The following MPPED1 variants were observed in gnomAD, a reference collection of about 807,000 sequenced individuals.
MPPED1 encodes the protein metallophosphoesterase domain containing 1.
Under a neutral mutation model 36.2 loss-of-function variants are expected in MPPED1, and 16 were observed. The ratio of observed to expected loss-of-function variants is 0.44; its 90% CI spans 0.30 to 0.67. The LOEUF is 0.67. Among genes scored for constraint, MPPED1 ranks in the 30% least tolerant of loss-of-function variants. The pLI is 0.10. For synonymous variants in MPPED1, 199 were observed against 191.3 expected, an observed-to-expected ratio of 1.04 and a Z score of -0.33; for missense variants, 307 against 453.4, an observed-to-expected ratio of 0.68 and a Z score of 2.93.
Position 43,495,696 on chromosome 22 carries a change from AGGTGGTGATGGAGGT to A in MPPED1, c.633-2531_633-2517del, listed in dbSNP as rs1569088995. On this transcript the variant is annotated intron_variant, in intron 4 of 6. Coordinates refer to ENST00000443721, the MANE Select transcript of MPPED1 (RefSeq NM_001044370.2). ...GTGGTGGTGGAGATGGTGGTGGTGG[AGGTGGTGATGGAGGT>A]GGTGGTGGTGGAGGTGGTGGTGGTG... Among the ~76,000 whole-genome samples the A allele has an allele frequency of 1.8e-3, 28 of 15,942 alleles. 3 individuals are homozygous for A. Among genetic ancestry groups the A allele is most frequent in the African/African-American group, 6.0e-3 (6 of 1,002 alleles). The allele number at this position is 15,942 out of a possible 152,430, so 10.5% of individuals were successfully genotyped here. A position where few individuals can be genotyped will look rare whatever the true frequency, so the allele number is the denominator to read the frequency against.
At chr22:43,486,784 G>T (rs1411978640) in intron 4 of MPPED1, among the ~76,000 whole-genome samples, 1 of 152,032 alleles carries the variant, frequency 6.6e-6, no homozygotes, top group South Asian at 2.1e-4. Flanking sequence ...GGGTCCAGAT[G>T]CAGCAGAGGG....
chr22:43,483,705 T>TGTGTG (rs1931820202), intron 4 of MPPED1, among the ~76,000 whole-genome samples: 3 of 152,214 alleles, frequency 2.0e-5, no homozygotes, highest in Middle Eastern at 3.2e-3. Context: ...CAAGGTACAA[T>TGTGTG]CTGGGGGAGT....
intron 4 of MPPED1, among the ~76,000 whole-genome samples, chr22:43,478,700 G>A (rs1931651509): frequency 6.6e-6 from 1 of 152,150 alleles, no homozygotes; most frequent in African/African-American, 2.4e-5. Flanking sequence ...CAGAGACTGG[G>A]CAGCCAGATT....
intron 3 of MPPED1, among the ~76,000 whole-genome samples, chr22:43,458,255 C>T (rs187639470): frequency 2.0e-5 from 3 of 151,946 alleles, no homozygotes; most frequent in African/African-American, 7.2e-5. Context: ...GATAGGAGAA[C>T]AAAGGAGTTA....
At chr22:43,467,415 C>T (rs1248757186) in intron 3 of MPPED1, among the ~76,000 whole-genome samples, 1 of 152,222 alleles carries the variant, frequency 6.6e-6, no homozygotes, top group African/African-American at 2.4e-5. Flanking sequence ...CCAGAACTCT[C>T]CCGCCTGTTC....
intron 3 of MPPED1, among the ~76,000 whole-genome samples, chr22:43,444,462 G>C (rs1930266498): frequency 6.6e-6 from 1 of 150,490 alleles, no homozygotes; most frequent in South Asian, 2.1e-4. Flanking sequence ...CCCCTCCCGG[G>C]TTCAAATGAT....
At chr22:43,418,358 A>G (rs1929148633) in intron 1 of MPPED1, 1 of 350,600 alleles carries the variant, frequency 2.9e-6, no homozygotes, top group African/African-American at 2.1e-5. Context: ...GCAGGGCAGC[A>G]GCTCCTCTGG....
chr22:43,469,031 G>T (rs1195513336), intron 3 of MPPED1, among the ~76,000 whole-genome samples: 1 of 152,146 alleles, frequency 6.6e-6, no homozygotes, highest in Non-Finnish European at 1.5e-5. Flanking sequence ...GCTTCCCCAT[G>T]TTGTGCCCAT....
rs567979245 is a variant in MPPED1, at chr22:43,465,844, G to A, written c.407-8892G>A. Among the ~76,000 whole-genome samples, 7 of 152,312 alleles carry A rather than the reference G, an allele frequency of 4.6e-5. No individual in the cohort carries two copies. The South Asian group carries it at 1.2e-3, about 27-fold the overall frequency. On this transcript the variant is annotated intron_variant, in intron 3 of 6. Transcript: ENST00000443721. ...CCACAGGGGTGCAAGGTTGGACGAG[G>A]AGGGCTGAGATCAGAGCACTGCAGG...
chr22:43,488,902 T>A (rs1430198915), intron 4 of MPPED1, among the ~76,000 whole-genome samples: 1 of 152,160 alleles, frequency 6.6e-6, no homozygotes, highest in African/African-American at 2.4e-5. Flanking sequence ...ACCCTCAGGG[T>A]GGTGAGGTTG....
intron 4 of MPPED1, among the ~76,000 whole-genome samples, chr22:43,476,839 G>A (rs919814534): frequency 6.6e-6 from 1 of 152,122 alleles, no homozygotes; most frequent in Non-Finnish European, 1.5e-5. Flanking sequence ...GGAGGTGGCT[G>A]AGTCTGCCTC....
Position 43,462,328 on chromosome 22 carries a change from T to C in MPPED1, c.407-12408T>C, listed in dbSNP as rs142066426. 1.0e-3 allele frequency among the ~76,000 whole-genome samples: 158 copies of C among 152,348 alleles called. 2 individuals are homozygous for C. The Middle Eastern group carries it at 0.034, about 33-fold the overall frequency. On this transcript the variant is annotated intron_variant, in intron 3 of 6. Transcript: ENST00000443721. ...AAGTCACAGAGTGCTACAGGGCTTA[T>C]GCTCAAGATAGCAGCCTCCTCCCGA...
chr22:43,435,421 G>C (rs1044532334), intron 3 of MPPED1, among the ~76,000 whole-genome samples: 8 of 151,778 alleles, frequency 5.3e-5, no homozygotes, highest in African/African-American at 1.7e-4. Flanking sequence ...TCCAGCATCT[G>C]TCTTGGTTGT....
intron 3 of MPPED1, among the ~76,000 whole-genome samples, chr22:43,472,824 G>A (rs774000154): frequency 2.0e-4 from 31 of 152,212 alleles, no homozygotes; most frequent in Non-Finnish European, 3.7e-4. Flanking sequence ...CATCTAGCTG[G>A]GGGTAGAGAA....
chr22:43,471,427 G>C (rs1931372407), intron 3 of MPPED1, among the ~76,000 whole-genome samples: 1 of 152,232 alleles, frequency 6.6e-6, no homozygotes, highest in Admixed American at 6.5e-5. Flanking sequence ...CCCGTCTAGA[G>C]GGGTGGGGTC....
intron 1 of MPPED1, 128 bp downstream of exon 1, chr22:43,412,286 T>C (rs1242434119): frequency 1.8e-6 from 1 of 552,044 alleles, no homozygotes; most frequent in East Asian, 1.5e-4. Flanking sequence ...AAAGTTACTT[T>C]GGCCGCCTTT....
intron 3 of MPPED1, among the ~76,000 whole-genome samples, chr22:43,450,371 G>A (rs916030460): frequency 4.6e-5 from 7 of 152,358 alleles, no homozygotes; most frequent in African/African-American, 7.2e-5. Flanking sequence ...AAAATGGGGC[G>A]ACACACTTGC....
intron 5 of MPPED1, among the ~76,000 whole-genome samples, chr22:43,500,313 G>A (rs894995830): frequency 7.3e-6 from 1 of 136,564 alleles, no homozygotes. Flanking sequence ...GATGGTGATG[G>A]AGGTGGTGAT....
At chr22:43,488,418 G>T (rs963129284) in intron 4 of MPPED1, among the ~76,000 whole-genome samples, 1 of 152,146 alleles carries the variant, frequency 6.6e-6, no homozygotes, top group Non-Finnish European at 1.5e-5. Context: ...TCCTATAGAC[G>T]AGTGTCTCCC....
Sources: gnomAD v4.1 joint callset for allele counts (sites outside exome capture counted in the v4.1 genomes callset) on GRCh38, gnomAD v4.1.1 for gene constraint, MANE v1.5 for transcripts, NCBI Gene and HGNC (gene_info 2026-07-23, HGNC 2026-07-21) for gene names.